Variants in ADI1 observed in about 807,000 individuals in gnomAD.
ADI1 encodes acireductone dioxygenase.
ADI1 carries 21 observed loss-of-function variants against 18.7 expected under a neutral mutation model. The ratio of observed to expected loss-of-function variants is 1.13; its 90% confidence interval spans 0.80 to 1.62. The LOEUF is 1.62. Among genes scored for constraint, ADI1 ranks in the 40% most tolerant of loss-of-function variants. The probability of loss-of-function intolerance (pLI) is 0.00; values close to 1 mark genes in which losing one functional copy is unlikely to be tolerated. For synonymous variants in ADI1, 90 were observed against 100.1 expected (o/e 0.90, Z 0.60); for missense variants, 245 against 254.9 (o/e 0.96, Z 0.26).
At chr2:3,518,060 T>G (rs1667446377) in intron 1 of ADI1, among the ~76,000 whole-genome samples, 1 of 152,204 alleles carries the variant, frequency 6.6e-6, no homozygotes, top group Non-Finnish European at 1.5e-5. Flanking sequence ...ATAAACATAA[T>G]AAGTCAAAAT....
At chr2:3,503,343 G>A (rs1415026586) in intron 2 of ADI1, among the ~76,000 whole-genome samples, 1 of 134,978 alleles carries the variant, frequency 7.4e-6, no homozygotes, top group Non-Finnish European at 1.5e-5. Flanking sequence ...ACATACACAC[G>A]TACTCACACG....
At position 3,500,941 on chromosome 2, in the gene ADI1, A is replaced by T. The variant is rs745518256; in HGVS notation, c.293T>A (p.Ile98Asn). The T allele has an allele frequency of 6.2e-7, 1 of 1,613,950 alleles. No individual in the cohort carries two copies. The highest frequency in any genetic ancestry group is 1.1e-5 in the South Asian group (1 of 91,060). The change falls in exon 3 of 4, where the codon ATC becomes AAC. Residue 98 changes from isoleucine to asparagine, a missense_variant. Ile to Asn is a moderately radical substitution (Grantham distance 149). Coordinates refer to ENST00000327435, the MANE Select transcript of ADI1 (RefSeq NM_018269.4). ...HLHLDDEIRY[I>N]LDGSGYFDVR... ...ATCGAAGTACCCACTGCCATCCAGG[A>T]TGTAGCGGATCTCATCGTCCAAGTG...
At chr2:3,518,788 TCGGACAAGCCCAA>T (rs1667484271) in intron 1 of ADI1, among the ~76,000 whole-genome samples, 1 of 152,156 alleles carries the variant, frequency 6.6e-6, no homozygotes, top group Admixed American at 6.5e-5. Context: ...AGGCAGGGCG[TCGGACAAGCCCAA>T]CGAGCCCACG....
intron 2 of ADI1, among the ~76,000 whole-genome samples, chr2:3,506,887 T>C (rs1331852434): frequency 6.6e-6 from 1 of 152,068 alleles, no homozygotes; most frequent in Non-Finnish European, 1.5e-5. Flanking sequence ...GGCAATACAA[T>C]GAAAAAAAGG....
intron 2 of ADI1, among the ~76,000 whole-genome samples, chr2:3,509,870 G>A (rs1321508425): frequency 2.0e-5 from 3 of 151,674 alleles, no homozygotes; most frequent in East Asian, 1.9e-4. Context: ...CAGGCCGGGT[G>A]CGGTGGCTCA....
At chr2:3,510,333 GAATAATAAT>G (rs1025867883) in intron 2 of ADI1, among the ~76,000 whole-genome samples, 1 of 151,472 alleles carries the variant, frequency 6.6e-6, no homozygotes, top group South Asian at 2.1e-4. Context: ...TCTGTTTCTA[GAATAATAAT>G]AATAATAATG....
rs1400614709 is a variant in ADI1 at position 3,498,837 on chromosome 2, T to G, written c.*126A>C. The G allele has an allele frequency of 7.0e-7, 1 of 1,421,370 alleles. No homozygotes were observed. The highest frequency in any genetic ancestry group is 9.5e-7 in the Non-Finnish European group (1 of 1,055,586). The allele number at this position is 1,421,370 out of a possible 1,614,324, so 88.0% of individuals were successfully genotyped here. On this transcript the variant is annotated 3_prime_UTR_variant, in exon 4 of 4. Transcript: ENST00000327435. Reference sequence around the variant, plus strand: ...TACAAAATATTCTGATCAAATAATCTTACAAAGGAAAGATAATCTAGCCTC... The same window carrying G: ...TACAAAATATTCTGATCAAATAATCGTACAAAGGAAAGATAATCTAGCCTC...
At chr2:3,518,743 G>A (rs1667463525) in intron 1 of ADI1, among the ~76,000 whole-genome samples, 1 of 152,176 alleles carries the variant, frequency 6.6e-6, no homozygotes, top group Non-Finnish European at 1.5e-5. Context: ...TCCGATAGAA[G>A]AAACCCCTGG....
chr2:3,504,901 G>A (rs1380244002), intron 2 of ADI1, among the ~76,000 whole-genome samples: 5 of 152,062 alleles, frequency 3.3e-5, no homozygotes, highest in African/African-American at 1.2e-4. Context: ...TGTTTGCGTT[G>A]TTGGTTCACC....
chr2:3,508,639 T>C (rs1667229392), intron 2 of ADI1, among the ~76,000 whole-genome samples: 1 of 152,006 alleles, frequency 6.6e-6, no homozygotes, highest in Admixed American at 6.5e-5. Context: ...CAGTGCCTCA[T>C]GTCAGTAATT....
intron 2 of ADI1, among the ~76,000 whole-genome samples, chr2:3,503,801 G>C (rs1368664609): frequency 6.6e-6 from 1 of 152,200 alleles, no homozygotes; most frequent in Non-Finnish European, 1.5e-5. Context: ...CCAAGCCTGA[G>C]GTCTGGGACA....
At chr2:3,515,005 A>C (rs1280392386) in intron 1 of ADI1, 11 of 889,144 alleles carry the variant, frequency 1.2e-5, no homozygotes, top group African/African-American at 1.7e-5. Flanking sequence ...ATGTCACCTC[A>C]GGACCACTGT....
intron 2 of ADI1, among the ~76,000 whole-genome samples, chr2:3,504,788 G>T (rs530704112): frequency 6.6e-6 from 1 of 151,636 alleles, no homozygotes; most frequent in Non-Finnish European, 1.5e-5. Flanking sequence ...GTGTATGTTT[G>T]TATTGTTGGT....
Position 3,519,429 on chromosome 2 carries a change from G to A in ADI1, c.59C>T (p.Pro20Leu). The A allele has an allele frequency of 7.3e-7, 1 of 1,372,560 alleles. No individual in the cohort carries two copies. Among genetic ancestry groups the A allele is most frequent in the Non-Finnish European group, 9.3e-7 (1 of 1,070,068 alleles). The allele number at this position is 1,372,560 out of a possible 1,614,324, so 85.0% of individuals were successfully genotyped here. A position where few individuals can be genotyped will look rare whatever the true frequency, so the allele number is the denominator to read the frequency against. The change falls in exon 1 of 4, where the codon CCC becomes CTC. Residue 20 changes from proline to leucine, a missense_variant. Physicochemically the swap from Pro to Leu is moderately conservative, Grantham distance 98 (BLOSUM62 -3). Transcript: ENST00000327435. ...APGDPRQPHR[P>L]DPGRPVGLEQ... is the part of the protein sequence containing the mutation. Reference sequence around the variant, plus strand: ...CAGGCCCACTGGGCGGCCGGGGTCGGGGCGGTGGGGTTGCCGCGGGTCGCC... The same window carrying A: ...CAGGCCCACTGGGCGGCCGGGGTCGAGGCGGTGGGGTTGCCGCGGGTCGCC...
chr2:3,519,158 G>A (rs1667500010), intron 1 of ADI1: 1 of 598,288 alleles, frequency 1.7e-6, no homozygotes, highest in Non-Finnish European at 2.5e-6. Context: ...GCGCCGCGCA[G>A]GAGGCCCTGA....
intron 2 of ADI1, among the ~76,000 whole-genome samples, chr2:3,505,113 G>A (rs1667147807): frequency 6.6e-6 from 1 of 152,338 alleles, no homozygotes; most frequent in Middle Eastern, 3.4e-3. Context: ...TGTTTGTATT[G>A]TCAGTTTACC....
chr2:3,507,436 T>C (rs1369191411), intron 2 of ADI1, among the ~76,000 whole-genome samples: 2 of 150,766 alleles, frequency 1.3e-5, no homozygotes, highest in Non-Finnish European at 2.9e-5. Context: ...AAGGAAAAAA[T>C]GCACCTAACC....
At chr2:3,503,680 C>T (rs1667099849) in intron 2 of ADI1, among the ~76,000 whole-genome samples, 1 of 152,198 alleles carries the variant, frequency 6.6e-6, no homozygotes, top group Admixed American at 6.5e-5. Flanking sequence ...CAGCTGACCC[C>T]GCACAAGGTC....
At position 3,498,964 on chromosome 2, in the gene ADI1, T is replaced by C; in HGVS notation, c.539A>G (p.Ter180TrpextTer32). 1.2e-6 allele frequency: 2 copies of C among 1,611,352 alleles called. No individual in the cohort carries two copies. The highest frequency in any genetic ancestry group is 1.7e-6 in the Non-Finnish European group (2 of 1,177,752). The change falls in exon 4 of 4, where the codon TAG becomes TGG. Residue 180 changes from the stop codon to tryptophan (W), a stop_lost. Transcript: ENST00000327435. ...CGTGTTAGTTCCCAGGCAGCACTGC[T>C]AGGCGGTCTGTGCCAGAAATTTCAC... ...QYVKFLAQTA[*>W] is the part of the protein sequence containing the mutation.
Sources: allele counts gnomAD v4.1 joint callset (sites outside exome capture counted in the v4.1 genomes callset), GRCh38; gene constraint gnomAD v4.1.1; transcripts MANE v1.5; gene names NCBI Gene and HGNC (gene_info 2026-07-23, HGNC 2026-07-21).